The following PIP4K2A variants were observed in gnomAD, a reference collection of about 807,000 sequenced individuals.
The protein encoded by PIP4K2A is phosphatidylinositol-5-phosphate 4-kinase type 2 alpha.
PIP4K2A carries 14 observed loss-of-function variants against 42.9 expected under a neutral mutation model. The observed-to-expected ratio is 0.33, with a 90% CI of 0.22 to 0.51. PIP4K2A has a LOEUF of 0.51. Ranked by LOEUF, PIP4K2A falls within the 20% of genes least tolerant of loss-of-function variation. The probability of loss-of-function intolerance (pLI) is 0.97; values close to 1 mark genes in which losing one functional copy is unlikely to be tolerated. For synonymous variants in PIP4K2A, 192 were observed against 192.2 expected, an observed-to-expected ratio of 1.00 and a Z score of 0.01; for missense variants, 434 against 519.8, an observed-to-expected ratio of 0.83 and a Z score of 1.61.
chr10:22,577,885 G>A (rs961604983), intron 4 of PIP4K2A, among the ~76,000 whole-genome samples: 2 of 152,156 alleles, frequency 1.3e-5, no homozygotes, highest in African/African-American at 4.8e-5. Context: ...GTCTGGCACC[G>A]CCTGGATCCT....
chr10:22,704,004 C>G (rs1833762935), intron 1 of PIP4K2A, among the ~76,000 whole-genome samples: 1 of 152,032 alleles, frequency 6.6e-6, no homozygotes, highest in South Asian at 2.1e-4. Flanking sequence ...AATCAAGAGG[C>G]CTGCTTGGGA....
intron 4 of PIP4K2A, among the ~76,000 whole-genome samples, chr10:22,586,767 G>A (rs893445954): frequency 3.9e-5 from 6 of 152,098 alleles, no homozygotes; most frequent in Admixed American, 3.3e-4. Flanking sequence ...CTGACCTCAG[G>A]TGATCCACCC....
In PIP4K2A at chr10:22,650,263, C is replaced by T. The variant is rs552991239; in HGVS notation, c.145-40546G>A. The stretch of plus-strand genomic sequence containing the variant: ...CTTACCGTTTTTTAGCCTCAGTTTT[C>T]TTTTTTCTGAGACTGGGTATCCCTT... On this transcript the variant is annotated intron_variant, in intron 1 of 9. Transcript: ENST00000376573. 4.6e-5 allele frequency among the ~76,000 whole-genome samples: 7 copies of T among 152,154 alleles called. No homozygotes were observed. In the East Asian group the frequency reaches 1.4e-3, roughly 29 times the overall value.
chr10:22,664,076 CGTAT>C (rs1474127724), intron 1 of PIP4K2A, among the ~76,000 whole-genome samples: 1 of 54,852 alleles, frequency 1.8e-5, no homozygotes, highest in African/African-American at 1.8e-4. Context: ...TATATATATA[CGTAT>C]ATATATATAC....
At chr10:22,642,881 CAAG>C (rs1202171453) in intron 1 of PIP4K2A, among the ~76,000 whole-genome samples, 2 of 152,046 alleles carry the variant, frequency 1.3e-5, no homozygotes, top group African/African-American at 4.8e-5. Context: ...TCATTCCTGC[CAAG>C]AAGTTTTCTT....
intron 1 of PIP4K2A, among the ~76,000 whole-genome samples, chr10:22,619,099 G>C (rs1838252860): frequency 6.6e-6 from 1 of 151,878 alleles, no homozygotes; most frequent in South Asian, 2.1e-4. Context: ...ACCAACTTGA[G>C]CACCAGCTCT....
chr10:22,568,002 G>T, intron 5 of PIP4K2A, 113 bp from the exon 6 acceptor site: 1 of 927,340 alleles, frequency 1.1e-6, no homozygotes, highest in Non-Finnish European at 1.8e-6. Context: ...CACCCACTCT[G>T]CTTCGCAGCC....
At chr10:22,624,111 A>G (rs1376902121) in intron 1 of PIP4K2A, among the ~76,000 whole-genome samples, 1 of 152,064 alleles carries the variant, frequency 6.6e-6, no homozygotes, top group African/African-American at 2.4e-5. Flanking sequence ...AAGACAAACA[A>G]CTCTAGTTTT....
At chr10:22,622,144 C>T (rs930555048) in intron 1 of PIP4K2A, among the ~76,000 whole-genome samples, 2 of 152,136 alleles carry the variant, frequency 1.3e-5, no homozygotes, top group African/African-American at 2.4e-5. Flanking sequence ...CAATAGAAAA[C>T]GAGAAATGTC....
intron 1 of PIP4K2A, among the ~76,000 whole-genome samples, chr10:22,697,725 C>T (rs1447799752): frequency 6.6e-6 from 1 of 151,936 alleles, no homozygotes; most frequent in African/African-American, 2.4e-5. Context: ...AACTGCATCT[C>T]GGAAAATTTT....
intron 4 of PIP4K2A, among the ~76,000 whole-genome samples, chr10:22,584,502 G>C (rs544594710): frequency 3.8e-4 from 58 of 152,194 alleles, no homozygotes; most frequent in African/African-American, 1.3e-3. Context: ...GAAGGGGAGA[G>C]GTGAGGCTGA....
intron 1 of PIP4K2A, among the ~76,000 whole-genome samples, chr10:22,668,917 C>T (rs1345003231): frequency 6.6e-6 from 1 of 152,152 alleles, no homozygotes; most frequent in African/African-American, 2.4e-5. Flanking sequence ...GATGTTTCTT[C>T]ATGTTTTGTT....
intron 1 of PIP4K2A, among the ~76,000 whole-genome samples, chr10:22,706,492 C>T (rs904289682): frequency 2.0e-5 from 3 of 152,230 alleles, no homozygotes; most frequent in African/African-American, 4.8e-5. Flanking sequence ...CCTTCACCGA[C>T]GTCATGCCTT....
At chr10:22,558,686 G>A (rs1299205751) in intron 6 of PIP4K2A, among the ~76,000 whole-genome samples, 2 of 152,210 alleles carry the variant, frequency 1.3e-5, no homozygotes, top group African/African-American at 4.8e-5. Context: ...AATTTTCACA[G>A]TGAAAACAGT....
chr10:22,550,224 G>A (rs933531169), intron 7 of PIP4K2A, among the ~76,000 whole-genome samples: 2 of 152,202 alleles, frequency 1.3e-5, no homozygotes, highest in Non-Finnish European at 2.9e-5. Flanking sequence ...ATGTTAACCA[G>A]CACTGACTTG....
intron 1 of PIP4K2A, among the ~76,000 whole-genome samples, chr10:22,686,684 G>C (rs916878339): frequency 6.6e-6 from 1 of 152,014 alleles, no homozygotes; most frequent in African/African-American, 2.4e-5. Flanking sequence ...TGCCCAGGCT[G>C]GTCTCAAACT....
At chr10:22,601,818 A>C (rs1348400524) in intron 3 of PIP4K2A, among the ~76,000 whole-genome samples, 1 of 152,138 alleles carries the variant, frequency 6.6e-6, no homozygotes, top group Non-Finnish European at 1.5e-5. Flanking sequence ...TCAAAAACTC[A>C]ACTCCATCTT....
intron 1 of PIP4K2A, among the ~76,000 whole-genome samples, chr10:22,617,522 T>C (rs1193082517): frequency 6.6e-6 from 1 of 152,232 alleles, no homozygotes; most frequent in Non-Finnish European, 1.5e-5. Context: ...GACTAATACA[T>C]AATTAGTAAT....
At chr10:22,592,039 T>A (rs1226987732) in intron 3 of PIP4K2A, among the ~76,000 whole-genome samples, 5 of 152,250 alleles carry the variant, frequency 3.3e-5, no homozygotes, top group African/African-American at 1.2e-4. Context: ...AGAATTATAA[T>A]CAAAGTAACT....
Sources: gnomAD v4.1 joint callset for allele counts (sites outside exome capture counted in the v4.1 genomes callset) on GRCh38, gnomAD v4.1.1 for gene constraint, MANE v1.5 for transcripts, NCBI Gene and HGNC (gene_info 2026-07-23, HGNC 2026-07-21) for gene names.